SLC71A1: variants seen among roughly 807,000 people sequenced by gnomAD.
SLC71A1 encodes hippocampus abundant gene transcript 1.
chr1:100,074,614 C>T, the SLC71A1 span, among the ~76,000 whole-genome samples: 102 of 152,092 alleles, frequency 6.7e-4, no homozygotes, highest in Non-Finnish European at 1.0e-4. Flanking sequence ...CGTGGTGGCT[C>T]ACGCCTGAGA....
At chr1:100,075,133 A>G in the SLC71A1 span, among the ~76,000 whole-genome samples, 6 of 152,306 alleles carry the variant, frequency 3.9e-5, no homozygotes, top group East Asian at 5.8e-4. Flanking sequence ...TCTGCTTGAG[A>G]AGTGTCAGCT....
chr1:100,051,711 C>A, the SLC71A1 span, among the ~76,000 whole-genome samples: 3 of 152,132 alleles, frequency 2.0e-5, no homozygotes, highest in Admixed American at 6.5e-5. Context: ...TTTTTATAAT[C>A]TGTCAGTTTA....
chr1:100,056,426 A>G, the SLC71A1 span, among the ~76,000 whole-genome samples: 1 of 152,152 alleles, frequency 6.6e-6, no homozygotes, highest in African/African-American at 2.4e-5. Flanking sequence ...GTTGCTTCCA[A>G]ATCTTAGCTA....
At chr1:100,043,251 A>T in the SLC71A1 span, 1 of 908,670 alleles carries the variant, frequency 1.1e-6, no homozygotes, top group Non-Finnish European at 1.3e-6. Context: ...ACAAGTCTGT[A>T]TGATTTAAAA....
At chr1:100,067,860 G>A in the SLC71A1 span, 2 of 793,080 alleles carry the variant, frequency 2.5e-6, no homozygotes, top group East Asian at 2.5e-5. Context: ...GGTAGGAAGA[G>A]AAAAGGGAGG....
At chr1:100,038,700 C>T in the SLC71A1 span, among the ~76,000 whole-genome samples, 1 of 152,128 alleles carries the variant, frequency 6.6e-6, no homozygotes, top group African/African-American at 2.4e-5. Context: ...CCAGGCCCCG[C>T]GGAGCCGTCG....
chr1:100,078,387 TAGTTTGACTTTCAGGTAC>T, the SLC71A1 span: 98 of 1,010,042 alleles, frequency 9.7e-5, no homozygotes, highest in Non-Finnish European at 1.4e-4. Flanking sequence ...CTTAATTATG[TAGTTTGACTTTCAGGTAC>T]AGTGGAGAAG....
the SLC71A1 span, chr1:100,078,391 T>C: frequency 3.0e-5 from 33 of 1,091,472 alleles, no homozygotes; most frequent in Non-Finnish European, 4.6e-5. Context: ...ATTATGTAGT[T>C]TGACTTTCAG....
chr1:100,081,788 A>C, the SLC71A1 span, among the ~76,000 whole-genome samples: 1 of 152,228 alleles, frequency 6.6e-6, no homozygotes, highest in East Asian at 1.9e-4. Context: ...ATATTTTCGC[A>C]TAGGCTGTTT....
At chr1:100,080,627 A>G in the SLC71A1 span, 1 of 1,614,148 alleles carries the variant, frequency 6.2e-7, no homozygotes, top group South Asian at 1.1e-5. Flanking sequence ...AGACTTGGGA[A>G]CAAACACAAG....
the SLC71A1 span, among the ~76,000 whole-genome samples, chr1:100,065,708 G>T: frequency 9.8e-6 from 1 of 102,386 alleles, no homozygotes. Flanking sequence ...TTTTCCCTAA[G>T]CCTTTTCCCT....
the SLC71A1 span, among the ~76,000 whole-genome samples, chr1:100,073,232 A>C: frequency 2.6e-5 from 4 of 152,224 alleles, no homozygotes; most frequent in Admixed American, 2.6e-4. Flanking sequence ...AGCCGTGGCC[A>C]TATCTTCCAT....
the SLC71A1 span, chr1:100,049,830 A>C: frequency 1.4e-6 from 1 of 714,962 alleles, no homozygotes; most frequent in East Asian, 2.7e-5. Context: ...GTTGACTATT[A>C]ACATCGTTGT....
the SLC71A1 span, among the ~76,000 whole-genome samples, chr1:100,075,894 T>G: frequency 6.6e-6 from 1 of 152,272 alleles, no homozygotes; most frequent in South Asian, 2.1e-4. Flanking sequence ...TCCAGGCTGG[T>G]CTCAAACTCC....
At chr1:100,038,269 C>T in the SLC71A1 span, 1 of 1,561,580 alleles carries the variant, frequency 6.4e-7, no homozygotes, top group Non-Finnish European at 8.7e-7. Flanking sequence ...GGCCGCGAAC[C>T]GCAGTATCAT....
chr1:100,073,787 T>C, the SLC71A1 span, among the ~76,000 whole-genome samples: 2 of 152,334 alleles, frequency 1.3e-5, no homozygotes, highest in East Asian at 1.9e-4. Context: ...CTGATGTTAG[T>C]GTTAGCTTAG....
the SLC71A1 span, among the ~76,000 whole-genome samples, chr1:100,038,533 C>T: frequency 2.6e-5 from 4 of 152,180 alleles, no homozygotes; most frequent in African/African-American, 9.6e-5. Flanking sequence ...CGTCCTCTTT[C>T]TTTCCCGCAC....
At chr1:100,050,365 T>C in the SLC71A1 span, among the ~76,000 whole-genome samples, 2 of 152,170 alleles carry the variant, frequency 1.3e-5, no homozygotes, top group South Asian at 4.1e-4. Context: ...GCAGCTGTAC[T>C]TTCCAAAAAC....
chr1:100,077,938 C>T, the SLC71A1 span, among the ~76,000 whole-genome samples: 21 of 152,194 alleles, frequency 1.4e-4, no homozygotes, highest in Non-Finnish European at 2.6e-4. Context: ...GTTCTCCAAA[C>T]TAGCCTTTGC....
Sources: gnomAD v4.1 joint callset for allele counts (sites outside exome capture counted in the v4.1 genomes callset) on GRCh38, gnomAD v4.1.1 for gene constraint, MANE v1.5 for transcripts, NCBI Gene and HGNC (gene_info 2026-07-23, HGNC 2026-07-21) for gene names.